The following TASP1 variants were observed in gnomAD, a reference collection of about 807,000 sequenced individuals.
The protein encoded by TASP1 is taspase 1, also known as threonine aspartase 1.
In TASP1, 16 loss-of-function variants were observed where a neutral mutation model predicts 56.6. The observed-to-expected ratio is 0.28, with a 90% CI of 0.19 to 0.43. TASP1 has a LOEUF of 0.43. TASP1 is among the 20% of genes least tolerant of loss of function. The probability of loss-of-function intolerance (pLI) is 1.00; values close to 1 mark genes in which losing one functional copy is unlikely to be tolerated. For missense variants in TASP1, 393 were observed against 511.6 expected, an observed-to-expected ratio of 0.77 and a Z score of 2.24; for synonymous variants, 179 against 184.2, an observed-to-expected ratio of 0.97 and a Z score of 0.23.
the TASP1 span, among the ~76,000 whole-genome samples, chr20:13,134,374 A>G: frequency 6.6e-6 from 1 of 152,136 alleles, no homozygotes. Flanking sequence ...GGCATGTCTA[A>G]TTTTACTCAT....
chr20:13,598,172 G>GA (rs1568631575), intron 4 of TASP1, among the ~76,000 whole-genome samples: 1 of 152,024 alleles, frequency 6.6e-6, no homozygotes, highest in African/African-American at 2.4e-5. Flanking sequence ...TACAGAATTG[G>GA]AAAAACTACT....
At chr20:13,275,526 C>A in the TASP1 span, among the ~76,000 whole-genome samples, 1 of 152,174 alleles carries the variant, frequency 6.6e-6, no homozygotes, top group Non-Finnish European at 1.5e-5. Flanking sequence ...GGATCAGGCA[C>A]CACCATTTAG....
At chr20:13,155,358 T>G in the TASP1 span, among the ~76,000 whole-genome samples, 6 of 152,188 alleles carry the variant, frequency 3.9e-5, no homozygotes, top group Non-Finnish European at 7.3e-5. Context: ...GACTCTCTAA[T>G]AGCCTGACTA....
chr20:13,635,937 GT>G (rs112241136), intron 1 of TASP1, among the ~76,000 whole-genome samples: 10 of 150,700 alleles, frequency 6.6e-5, no homozygotes, highest in African/African-American at 2.4e-4. Flanking sequence ...TGATGACACT[GT>G]TTTTTTTTCT....
chr20:13,431,551 G>A (rs2042806761), intron 12 of TASP1, among the ~76,000 whole-genome samples: 1 of 152,096 alleles, frequency 6.6e-6, no homozygotes, highest in Non-Finnish European at 1.5e-5. Context: ...GATATAAGAA[G>A]GCAAATGTTA....
intron 5 of TASP1, among the ~76,000 whole-genome samples, 183 bp from the exon 6 acceptor site, chr20:13,581,164 T>C (rs2047112316): frequency 6.6e-6 from 1 of 152,100 alleles, no homozygotes; most frequent in Non-Finnish European, 1.5e-5. Context: ...AATCAAAAAA[T>C]GTATGAAAAC....
intron 13 of TASP1, among the ~76,000 whole-genome samples, chr20:13,394,307 C>CAAAAAAAAA (rs57418361): frequency 0.024 from 1,044 of 42,874 alleles, 49 homozygotes; most frequent in African/African-American, 0.089. Context: ...CACTCCCTCT[C>CAAAAAAAAA]AAAAAAAAAA....
the TASP1 span, among the ~76,000 whole-genome samples, chr20:13,349,853 G>GT: frequency 6.6e-6 from 1 of 152,128 alleles, no homozygotes; most frequent in African/African-American, 2.4e-5. Context: ...AAATAATACG[G>GT]TTTAAAAATT....
intron 13 of TASP1, among the ~76,000 whole-genome samples, chr20:13,410,097 T>G (rs1331860397): frequency 2.0e-5 from 3 of 152,226 alleles, no homozygotes; most frequent in Non-Finnish European, 4.4e-5. Flanking sequence ...TGTGCCTGCC[T>G]TACTTCACTT....
the TASP1 span, among the ~76,000 whole-genome samples, chr20:13,229,461 C>T: frequency 6.6e-6 from 1 of 152,178 alleles, no homozygotes; most frequent in African/African-American, 2.4e-5. Flanking sequence ...TCTCATTAAA[C>T]TAAGTTTTTG....
chr20:13,247,532 GT>G, the TASP1 span, among the ~76,000 whole-genome samples: 1 of 140,706 alleles, frequency 7.1e-6, no homozygotes, highest in Admixed American at 6.9e-5. Context: ...GTGTGTGTGT[GT>G]GTGTGTGTGT....
At chr20:13,236,155 C>T in the TASP1 span, among the ~76,000 whole-genome samples, 5 of 152,064 alleles carry the variant, frequency 3.3e-5, no homozygotes, top group African/African-American at 1.2e-4. Context: ...GATCTCTTAA[C>T]CTTGTGATCC....
chr20:13,529,878 C>T (rs1472494932), intron 9 of TASP1, among the ~76,000 whole-genome samples: 3 of 152,172 alleles, frequency 2.0e-5, no homozygotes, highest in Admixed American at 6.5e-5. Flanking sequence ...CTCCATGAAA[C>T]ATCCCAGGCA....
chr20:13,314,487 A>C, the TASP1 span, among the ~76,000 whole-genome samples: 1 of 152,086 alleles, frequency 6.6e-6, no homozygotes, highest in African/African-American at 2.4e-5. Flanking sequence ...TAAAGTATTG[A>C]GAGAGAGAAA....
At chr20:13,547,560 A>G (rs1296607917) in intron 8 of TASP1, among the ~76,000 whole-genome samples, 1 of 152,224 alleles carries the variant, frequency 6.6e-6, no homozygotes, top group Non-Finnish European at 1.5e-5. Context: ...AATTCAGCTT[A>G]AAAGTTTGGG....
chr20:13,545,957 A>T (rs1364186210), intron 8 of TASP1, among the ~76,000 whole-genome samples: 1 of 152,212 alleles, frequency 6.6e-6, no homozygotes, highest in Non-Finnish European at 1.5e-5. Context: ...AGCAGAGCTT[A>T]GAGTGATTTC....
chr20:13,391,982 A>G (rs1371712441), intron 13 of TASP1, among the ~76,000 whole-genome samples: 1 of 151,550 alleles, frequency 6.6e-6, no homozygotes, highest in East Asian at 1.9e-4. Context: ...AAAAAAAAAA[A>G]AAGAAAGAAA....
At chr20:13,117,606 G>A in the TASP1 span, 1 of 1,614,042 alleles carries the variant, frequency 6.2e-7, no homozygotes, top group Non-Finnish European at 8.5e-7. Flanking sequence ...TGGGGCCGTG[G>A]GCCCAACCGG....
At chr20:13,195,038 G>C in the TASP1 span, among the ~76,000 whole-genome samples, 1 of 152,016 alleles carries the variant, frequency 6.6e-6, no homozygotes, top group African/African-American at 2.4e-5. Flanking sequence ...GTGAGGACAG[G>C]ACCCCATGAA....
Sources: allele counts gnomAD v4.1 joint callset (sites outside exome capture counted in the v4.1 genomes callset), GRCh38; gene constraint gnomAD v4.1.1; transcripts MANE v1.5; gene names NCBI Gene and HGNC (gene_info 2026-07-23, HGNC 2026-07-21).